The following ZNF426 variants were observed in gnomAD, a reference collection of about 807,000 sequenced individuals.
ZNF426 encodes the protein CTC-543D15.7.
A neutral mutation model predicts 24.0 loss-of-function variants in ZNF426; 23 were observed. The ratio of observed to expected loss-of-function variants is 0.96; its 90% CI spans 0.69 to 1.36. ZNF426 has a LOEUF of 1.36. Among genes scored for constraint, ZNF426 ranks in the 40% most tolerant of loss-of-function variants. The probability of loss-of-function intolerance (pLI) is 0.00; values close to 1 mark genes in which losing one functional copy is unlikely to be tolerated. For missense variants in ZNF426, 646 were observed against 658.4 expected (o/e 0.98, Z 0.21); for synonymous variants, 272 against 224.6 (o/e 1.21, Z -1.89).
intron 7 of ZNF426, 58 bp downstream of exon 7, chr19:9,530,927 C>T (rs2144769863): frequency 1.4e-6 from 2 of 1,427,974 alleles, no homozygotes; most frequent in South Asian, 2.3e-5. Flanking sequence ...CTTCCCATAA[C>T]AGAATTCCTG....
rs373074382 is a variant in ZNF426 at position 9,527,491 on chromosome 19, T to C, written c.*889A>G. 36 of 152,346 alleles carry C rather than the reference T, an allele frequency of 2.4e-4. No homozygotes were observed. The East Asian group carries it at 2.7e-3, about 11-fold the overall frequency. The allele number at this position is 152,346 out of a possible 1,614,324, so 9.4% of individuals were successfully genotyped here. A position where few individuals can be genotyped will look rare whatever the true frequency, so the allele number is the denominator to read the frequency against. On this transcript the variant is annotated 3_prime_UTR_variant, in exon 8 of 8. Coordinates refer to ENST00000253115, the MANE Select transcript of ZNF426 (RefSeq NM_024106.3). ...CAACTTGCATGTGAATATTAAAATA[T>C]AGTGAACATTCACAGGCTTTTTCAT...
chr19:9,528,320 T>C lies in ZNF426; in HGVS notation c.*60A>G, dbSNP rs924691411. The C allele has an allele frequency of 1.3e-6, 2 of 1,485,690 alleles. No individual in the cohort carries two copies. The highest frequency in any genetic ancestry group is 2.8e-5 in the African/African-American group (2 of 71,064). The allele number at this position is 1,485,690 out of a possible 1,614,324, so 92.0% of individuals were successfully genotyped here. ...TCTCCAGAGTGAGTTCATTCATGTC[T>C]TTAAAGTGAACTGGAACAAATGAGA... On this transcript the variant is annotated 3_prime_UTR_variant, in exon 8 of 8. Coordinates refer to ENST00000253115, the MANE Select transcript of ZNF426 (RefSeq NM_024106.3).
chr19:9,536,118 G>T, intron 3 of ZNF426, 90 bp downstream of exon 3: 2 of 1,560,252 alleles, frequency 1.3e-6, no homozygotes, highest in East Asian at 4.5e-5. Context: ...AAATGAATCA[G>T]CAACATGACC....
chr19:9,536,476 G>C (rs940260521), intron 2 of ZNF426, 120 bp from the exon 3 acceptor site: 2 of 939,346 alleles, frequency 2.1e-6, no homozygotes, highest in African/African-American at 1.7e-5. Flanking sequence ...CAGGGTGGGA[G>C]GACTGCTTCA....
In ZNF426 at chr19:9,534,501, G is replaced by A. The variant is rs78726253; in HGVS notation, c.118-535C>T. ...ATTACAGGCATGAGCCACTGTGCCC[G>A]CCCAAGATCTCATCTTATTTCCATC... On this transcript the variant is annotated intron_variant, in intron 4 of 7. Coordinates refer to ENST00000253115, the MANE Select transcript of ZNF426 (RefSeq NM_024106.3). 3.3e-5 allele frequency among the ~76,000 whole-genome samples: 5 copies of A among 152,218 alleles called. No individual in the cohort carries two copies. In the East Asian group the frequency reaches 5.8e-4, roughly 18 times the overall value.
Position 9,535,212 on chromosome 19 carries a change from A to C in ZNF426, c.93T>G (p.Ala31=). 1 of 1,613,612 alleles carries C rather than the reference A, an allele frequency of 6.2e-7. No homozygotes were observed. Among genetic ancestry groups the C allele is most frequent in the African/African-American group, 1.3e-5 (1 of 75,028 alleles). ...EEKTPAGRIV[A]DCLTDCYQDS... is the part of the protein sequence containing the mutation. ...CCTGATAACAATCTGTTAGGCAGTC[A>C]GCCACTATTCTTCCTGCTGGTGTCT... The change falls in exon 4 of 8, where the codon GCT becomes GCG. Residue 31 remains alanine, a synonymous_variant. Transcript: ENST00000253115.
rs189522224 is a variant in ZNF426, at chr19:9,531,863, T to A, written c.326-796A>T. On this transcript the variant is annotated intron_variant, in intron 6 of 7. Transcript: ENST00000253115. The stretch of plus-strand genomic sequence containing the variant: ...AGCCAGGCATGGTGGCAGGCACCTG[T>A]AGTCCCAGCTACTTGGGAGGCTGAG... Among the ~76,000 whole-genome samples the A allele has an allele frequency of 2.0e-4, 30 of 152,240 alleles. No individual in the cohort carries two copies. The East Asian group carries it at 5.6e-3, about 28-fold the overall frequency.
At chr19:9,538,090 T>TA (rs1213153611) in intron 2 of ZNF426, among the ~76,000 whole-genome samples, 169 bp downstream of exon 2, 5 of 152,258 alleles carry the variant, frequency 3.3e-5, no homozygotes, top group African/African-American at 1.2e-4. Flanking sequence ...CATACACAAA[T>TA]ACGCACACCC....
Position 9,525,145 on chromosome 19 carries a change from A to T in ZNF426, c.*3235T>A, listed in dbSNP as rs996225770. 1 of 151,392 alleles carries T rather than the reference A, an allele frequency of 6.6e-6. No individual in the cohort carries two copies. Among genetic ancestry groups the T allele is most frequent in the African/African-American group, 2.4e-5 (1 of 41,218 alleles). The allele number at this position is 151,392 out of a possible 1,614,324, so 9.4% of individuals were successfully genotyped here. ...GCGCCTGTAGTCCCAGCTACTCGGG[A>T]GGCTGAGGCAGGAGAATGGCGTGAA... On this transcript the variant is annotated 3_prime_UTR_variant, in exon 8 of 8. Coordinates refer to ENST00000253115, the MANE Select transcript of ZNF426 (RefSeq NM_024106.3).
At chr19:9,532,182 C>G (rs563656039) in intron 6 of ZNF426, among the ~76,000 whole-genome samples, 1 of 151,772 alleles carries the variant, frequency 6.6e-6, no homozygotes, top group African/African-American at 2.4e-5. Context: ...TGATTCACAC[C>G]CCAGGCAGGA....
chr19:9,530,660 G>T (rs753533702), intron 7 of ZNF426, among the ~76,000 whole-genome samples: 2 of 151,896 alleles, frequency 1.3e-5, no homozygotes, highest in Non-Finnish European at 2.9e-5. Flanking sequence ...TACCAAGGGA[G>T]GCTGAGGTGG....
chr19:9,525,218 C>T lies in ZNF426; in HGVS notation c.*3162G>A. ...GAGCCGAGATCGCACCACTGCACTC[C>T]AGCCTGGGCGACAGAGCGAGACTCC... On this transcript the variant is annotated 3_prime_UTR_variant, in exon 8 of 8. Coordinates refer to ENST00000253115, the MANE Select transcript of ZNF426 (RefSeq NM_024106.3). 6.6e-6 allele frequency: 1 copy of T among 150,550 alleles called. No homozygotes were observed. Among genetic ancestry groups the T allele is most frequent in the East Asian group, 2.0e-4 (1 of 5,102 alleles). 9.3% of individuals were successfully genotyped at this position (150,550 alleles called of 1,614,324 possible).
rs75446675 is a variant in ZNF426, at chr19:9,531,592, G to C, written c.326-525C>G. 1.8e-4 allele frequency among the ~76,000 whole-genome samples: 27 copies of C among 152,206 alleles called. No homozygotes were observed. In the East Asian group the frequency reaches 5.0e-3, roughly 28 times the overall value. Reference sequence around the variant, plus strand: ...GGACATGGGGTAAAACTTTTCGATCGTTTATTACAAATTGATGCTATGAAA... The same window carrying C: ...GGACATGGGGTAAAACTTTTCGATCCTTTATTACAAATTGATGCTATGAAA... On this transcript the variant is annotated intron_variant, in intron 6 of 7. Coordinates refer to ENST00000253115, the MANE Select transcript of ZNF426 (RefSeq NM_024106.3).
At position 9,528,510 on chromosome 19, in the gene ZNF426, G is replaced by T. The variant is rs1418198989; in HGVS notation, c.1535C>A (p.Ala512Asp). 6.2e-7 allele frequency: 1 copy of T among 1,614,024 alleles called. No individual in the cohort carries two copies. The change falls in exon 8 of 8, where the codon GCC becomes GAC. Residue 512 changes from alanine to aspartate, a missense_variant. By Grantham distance (126) the Ala-to-Asp change is moderately radical (BLOSUM62 -2). Coordinates refer to ENST00000253115, the MANE Select transcript of ZNF426 (RefSeq NM_024106.3). ...TCTAAAGGAACTGGAACACGTGAAG[G>T]CTTTCCCACACTCCTTGCATTCATA... ...KPYECKECGK[A>D]FTCSSSFRIH...
At chr19:9,531,117 G>T (rs1182472536) in intron 6 of ZNF426, 50 bp from the exon 7 acceptor site, 1 of 1,444,804 alleles carries the variant, frequency 6.9e-7, no homozygotes, top group Non-Finnish European at 9.7e-7. Context: ...AGGCACAGTG[G>T]CTCATGCCTG....
chr19:9,531,742 T>A (rs1447205225), intron 6 of ZNF426, among the ~76,000 whole-genome samples: 1 of 152,166 alleles, frequency 6.6e-6, no homozygotes, highest in Non-Finnish European at 1.5e-5. Context: ...CCCAGCACTT[T>A]GGGAGGCCGA....
At chr19:9,531,566 A>G (rs554200398) in intron 6 of ZNF426, among the ~76,000 whole-genome samples, 1 of 152,330 alleles carries the variant, frequency 6.6e-6, no homozygotes, top group African/African-American at 2.4e-5. Flanking sequence ...GGCCAAGACA[A>G]GGACATGGGG....
At chr19:9,531,626 T>C (rs2073885080) in intron 6 of ZNF426, among the ~76,000 whole-genome samples, 1 of 152,058 alleles carries the variant, frequency 6.6e-6, no homozygotes. Context: ...AAATTAAAAC[T>C]GATAGTGAAT....
intron 3 of ZNF426, among the ~76,000 whole-genome samples, chr19:9,535,797 G>A (rs1406165429): frequency 6.7e-6 from 1 of 149,728 alleles, no homozygotes; most frequent in Non-Finnish European, 1.5e-5. Context: ...ATGCACCACT[G>A]CACTCCAGCC....
Sources: gnomAD v4.1 joint callset for allele counts (sites outside exome capture counted in the v4.1 genomes callset) on GRCh38, gnomAD v4.1.1 for gene constraint, MANE v1.5 for transcripts, NCBI Gene and HGNC (gene_info 2026-07-23, HGNC 2026-07-21) for gene names.